The following HIP1 variants were observed in gnomAD, a reference collection of about 807,000 sequenced individuals.
HIP1 encodes the protein huntingtin interacting protein 1, also known as huntingtin-interacting protein 1.
A neutral mutation model predicts 147.6 loss-of-function variants in HIP1; 65 were observed. That is an observed-to-expected ratio of 0.44 (90% CI 0.36 to 0.54). The LOEUF is 0.54. HIP1 is among the 20% of genes least tolerant of loss of function. The pLI, the probability that HIP1 is intolerant of heterozygous loss-of-function variation, is 0.00. For missense variants in HIP1, 1,061 were observed against 1,299.6 expected, an observed-to-expected ratio of 0.82 and a Z score of 2.82; for synonymous variants, 479 against 504.0, an observed-to-expected ratio of 0.95 and a Z score of 0.67.
intron 1 of HIP1, among the ~76,000 whole-genome samples, chr7:75,709,680 CTTGCCTAA>C (rs1442091215): frequency 1.3e-5 from 2 of 152,024 alleles, no homozygotes; most frequent in Admixed American, 6.6e-5. Context: ...ATTTCTTTTT[CTTGCCTAA>C]TTGCTCCGTT....
intron 1 of HIP1, among the ~76,000 whole-genome samples, chr7:75,617,050 G>A (rs1218023935): frequency 6.6e-6 from 1 of 151,308 alleles, no homozygotes; most frequent in Non-Finnish European, 1.5e-5. Context: ...GGGAGCACAG[G>A]TGCATGCCAC....
chr7:75,619,575 T>C (rs1213179408), intron 1 of HIP1, among the ~76,000 whole-genome samples: 1 of 146,044 alleles, frequency 6.8e-6, no homozygotes. Context: ...GAGCAAAGAA[T>C]AAAGATGGTG....
intron 2 of HIP1, among the ~76,000 whole-genome samples, chr7:75,594,804 A>G (rs768835612): frequency 7.2e-5 from 11 of 152,212 alleles, no homozygotes; most frequent in Non-Finnish European, 1.6e-4. Context: ...CTGGCCTCAC[A>G]TGATTTTAAG....
intron 1 of HIP1, among the ~76,000 whole-genome samples, chr7:75,641,557 T>G (rs1798657108): frequency 6.6e-6 from 1 of 151,700 alleles, no homozygotes; most frequent in Admixed American, 6.6e-5. Flanking sequence ...AATGGTGCAA[T>G]CTCAGCTCAC....
At chr7:75,613,246 C>A (rs1431089800) in intron 1 of HIP1, among the ~76,000 whole-genome samples, 1 of 152,078 alleles carries the variant, frequency 6.6e-6, no homozygotes, top group Admixed American at 6.6e-5. Flanking sequence ...GAGTACAGAA[C>A]CAAATGGAGA....
intron 1 of HIP1, among the ~76,000 whole-genome samples, chr7:75,718,789 A>G (rs1156428826): frequency 1.3e-5 from 2 of 152,168 alleles, no homozygotes; most frequent in African/African-American, 4.8e-5. Flanking sequence ...AAGGCCCTCA[A>G]CAAAGGCGGG....
In HIP1 at chr7:75,540,149, C is replaced by G. The variant is rs150823843; in HGVS notation, c.2953-718G>C. Among the ~76,000 whole-genome samples the G allele has an allele frequency of 6.4e-3, 977 of 152,100 alleles. 15 individuals carry two copies. Among genetic ancestry groups the G allele is most frequent in the African/African-American group, 0.022 (930 of 41,488 alleles). On this transcript the variant is annotated intron_variant, in intron 29 of 30. Transcript: ENST00000336926. ...CTTAATTCAAGGAATATTTGCTGGC[C>G]GGGCATGGTGGCTTATGCCCGTAAT...
chr7:75,581,001 C>G (rs1010340936), intron 7 of HIP1, among the ~76,000 whole-genome samples: 7 of 152,134 alleles, frequency 4.6e-5, no homozygotes, highest in Non-Finnish European at 7.3e-5. Context: ...CTTAGCCTCC[C>G]AAAGTGCTAG....
In HIP1 at chr7:75,581,264, C is replaced by G. The variant is rs1461984429; in HGVS notation, c.577G>C (p.Glu193Gln). 1 of 1,611,662 alleles carries G rather than the reference C, an allele frequency of 6.2e-7. No individual in the cohort carries two copies. Among genetic ancestry groups the G allele is most frequent in the South Asian group, 1.1e-5 (1 of 90,526 alleles). The change falls in exon 7 of 31, where the codon GAG becomes CAG. Residue 193 changes from glutamate to glutamine, a missense_variant. Glu to Gln is a conservative substitution (Grantham distance 29). Around this residue, in one of 3 missense-constraint regions of HIP1, gnomAD observed 225 missense variants for 292.9 expected, o/e 0.77. Transcript: ENST00000336926. ...QLTVEMFDYL[E>Q]CELNLFQTVF... ...GTTTGGAAGAGGTTGAGTTCACACT[C>G]CAGGTAGTCAAACATCTCCACTGTT...
At chr7:75,621,800 G>C (rs782452330) in intron 1 of HIP1, among the ~76,000 whole-genome samples, 9 of 152,172 alleles carry the variant, frequency 5.9e-5, no homozygotes, top group Non-Finnish European at 1.0e-4. Context: ...TGGGGTGTGA[G>C]GAAGGAAGGA....
chr7:75,559,031 CAAAT>C (rs1320191884), intron 14 of HIP1, among the ~76,000 whole-genome samples: 1 of 152,192 alleles, frequency 6.6e-6, no homozygotes, highest in Non-Finnish European at 1.5e-5. Context: ...AAAAATAAAA[CAAAT>C]AAATAATCAA....
chr7:75,676,089 C>T (rs540460350), intron 1 of HIP1, among the ~76,000 whole-genome samples: 1 of 152,138 alleles, frequency 6.6e-6, no homozygotes, highest in African/African-American at 2.4e-5. Context: ...TCTGCTCCCC[C>T]CTCTGTAGGG....
In HIP1 at chr7:75,605,789, G is replaced by C. The variant is rs144685511; in HGVS notation, c.121-6542C>G. 3.2e-3 allele frequency among the ~76,000 whole-genome samples: 489 copies of C among 152,252 alleles called. 9 individuals are homozygous for C. The highest frequency in any genetic ancestry group is 6.8e-3 in the Middle Eastern group (2 of 294). Reference sequence around the variant, plus strand: ...GTCCTGAGGTGATCCCCCTGCCTTGGCCTCCCAGTGTTGGGATTAGAGGCG... The same window carrying C: ...GTCCTGAGGTGATCCCCCTGCCTTGCCCTCCCAGTGTTGGGATTAGAGGCG... On this transcript the variant is annotated intron_variant, in intron 1 of 30. Transcript: ENST00000336926.
chr7:75,562,322 C>T, intron 11 of HIP1, 152 bp from the exon 12 acceptor site: 1 of 609,010 alleles, frequency 1.6e-6, no homozygotes, highest in Non-Finnish European at 2.9e-6. Flanking sequence ...CAGGTTCTCG[C>T]TCTACTGCCC....
At chr7:75,700,255 C>T (rs782061808) in intron 1 of HIP1, among the ~76,000 whole-genome samples, 25 of 152,138 alleles carry the variant, frequency 1.6e-4, no homozygotes, top group Non-Finnish European at 3.2e-4. Context: ...AAAGTGACTG[C>T]GGTGACCATG....
chr7:75,712,493 C>T (rs548897710), intron 1 of HIP1, among the ~76,000 whole-genome samples: 1 of 152,116 alleles, frequency 6.6e-6, no homozygotes, highest in Admixed American at 6.6e-5. Context: ...TTGGTCTGAA[C>T]GTTTCCAGAG....
In HIP1 at chr7:75,570,213, T is replaced by C. The variant is rs144576363; in HGVS notation, c.746-1957A>G. ...TCCCAAAGTGCTGGGATTACAGGTGTGAGTCACCGTGCCCTGCCTTAAGTA... is the reference window on the plus strand; with the variant it reads ...TCCCAAAGTGCTGGGATTACAGGTGCGAGTCACCGTGCCCTGCCTTAAGTA... On this transcript the variant is annotated intron_variant, in intron 8 of 30. Coordinates refer to ENST00000336926, the MANE Select transcript of HIP1 (RefSeq NM_005338.7). 1.1e-4 allele frequency among the ~76,000 whole-genome samples: 17 copies of C among 151,702 alleles called. No individual in the cohort carries two copies. The East Asian group carries it at 3.1e-3, about 28-fold the overall frequency.
chr7:75,682,686 C>T (rs1241824343), intron 1 of HIP1, among the ~76,000 whole-genome samples: 1 of 152,082 alleles, frequency 6.6e-6, no homozygotes, highest in Non-Finnish European at 1.5e-5. Flanking sequence ...AGGTCTTTAA[C>T]CCTGGAATGC....
At chr7:75,598,499 T>C (rs1428368630) in intron 2 of HIP1, among the ~76,000 whole-genome samples, 1 of 151,428 alleles carries the variant, frequency 6.6e-6, no homozygotes, top group Non-Finnish European at 1.5e-5. Context: ...GAGTGGTCCC[T>C]GTGTTCCTGT....
Sources: gnomAD v4.1 joint callset for allele counts (sites outside exome capture counted in the v4.1 genomes callset) on GRCh38, gnomAD v4.1.1 for gene constraint, gnomAD v4.1.1 regional missense constraint, MANE v1.5 for transcripts, NCBI Gene and HGNC (gene_info 2026-07-23, HGNC 2026-07-21) for gene names.